TEPSIN: variants seen among roughly 807,000 people sequenced by gnomAD.
TEPSIN encodes TEPSIN adaptor related protein complex 4 accessory protein, also known as AP-4 complex accessory subunit tepsin.
In TEPSIN, 50 loss-of-function variants were observed where a neutral mutation model predicts 48.5. The ratio of observed to expected loss-of-function variants is 1.03; its 90% CI spans 0.82 to 1.31. The LOEUF is 1.31. TEPSIN is among the 50% of genes most tolerant of loss of function. The pLI, the probability that TEPSIN is intolerant of heterozygous loss-of-function variation, is 0.00. For missense variants in TEPSIN, 838 were observed against 815.9 expected, an observed-to-expected ratio of 1.03 and a Z score of -0.33; for synonymous variants, 392 against 358.8, an observed-to-expected ratio of 1.09 and a Z score of -1.05.
chr17:81,232,613 G>C (rs1021979708), intron 7 of TEPSIN, 95 bp from the exon 8 acceptor site: 2 of 1,195,710 alleles, frequency 1.7e-6, no homozygotes, highest in Admixed American at 2.5e-5. Context: ...CCCTGCTCAA[G>C]CTTGGAGAGG....
chr17:81,232,825 G>A (rs1055644650), intron 7 of TEPSIN: 1 of 376,688 alleles, frequency 2.7e-6, no homozygotes, highest in Non-Finnish European at 4.8e-6. Flanking sequence ...CAGGGAGGGT[G>A]TGTCCAGGGC....
rs369592054 is a variant in TEPSIN at position 81,228,888 on chromosome 17, C to G, written c.*40G>C. ...CTCAGGAAGCACAGACCGCCCCAGA[C>G]AGCAGCTGAAGCTGAAGACTCCAGG... On this transcript the variant is annotated 3_prime_UTR_variant, in exon 13 of 13. Transcript: ENST00000637944. 9 of 1,608,920 alleles carry G rather than the reference C, an allele frequency of 5.6e-6. No homozygotes were observed. Among genetic ancestry groups the G allele is most frequent in the African/African-American group, 4.0e-5 (3 of 74,942 alleles).
intron 12 of TEPSIN, chr17:81,229,875 G>A (rs2146821168): frequency 4.0e-6 from 1 of 249,002 alleles, no homozygotes; most frequent in East Asian, 1.3e-4. Context: ...CCCACTATGA[G>A]GTTCGCCTGC....
chr17:81,234,714 G>A lies in TEPSIN; in HGVS notation c.308-666C>T, dbSNP rs1422072052. The stretch of plus-strand genomic sequence containing the variant: ...TGATTCGGAGACGATGCTCCTGGCT[G>A]TCCCTGGGCCCAGGGCTGGCGGCCA... On this transcript the variant is annotated intron_variant, in intron 4 of 12. Transcript: ENST00000637944. The surrounding 1 kb of genome is among the most constrained non-coding windows in gnomAD (Gnocchi z 5.4). 6.6e-6 allele frequency among the ~76,000 whole-genome samples: 1 copy of A among 152,012 alleles called. No individual in the cohort carries two copies. The highest frequency in any genetic ancestry group is 6.6e-5 in the Admixed American group (1 of 15,266).
At position 81,232,433 on chromosome 17, in the gene TEPSIN, G is replaced by A. The variant is rs2062634964; in HGVS notation, c.612C>T (p.Pro204=). Residue 204 remains proline (P), a synonymous_variant, in exon 8 of 13, where the codon CCC becomes CCT. Transcript: ENST00000637944. ...CCCGCGGCAGGAGCCTCCGGGTACT[G>A]GGACTCTCGGGCCCGGGGCGCATGG... is the stretch of plus-strand genomic sequence containing the variant. ...ASAMRPGPES[P]STRRLLPRGD... is the part of the protein sequence containing the mutation. The A allele has an allele frequency of 6.5e-7, 1 of 1,535,746 alleles. No homozygotes were observed. The highest frequency in any genetic ancestry group is 8.7e-7 in the Non-Finnish European group (1 of 1,146,674).
chr17:81,232,240 C>A, intron 8 of TEPSIN, 75 bp downstream of exon 8: 1 of 1,431,104 alleles, frequency 7.0e-7, no homozygotes, highest in East Asian at 2.5e-5. Context: ...GGATTTGCCT[C>A]CGTGGCCGCA....
chr17:81,229,250 G>A lies in TEPSIN; in HGVS notation c.1460C>T (p.Pro487Leu). 2 of 1,579,686 alleles carry A rather than the reference G, an allele frequency of 1.3e-6. No homozygotes were observed. The highest frequency in any genetic ancestry group is 2.3e-5 in the East Asian group (1 of 43,576). Reference sequence around the variant, plus strand: ...GGCTGGAATGGGGGAGGCATCTGGGGGTGGGGTGGGCACAGGGCTGGACGG... The same window carrying A: ...GGCTGGAATGGGGGAGGCATCTGGGAGTGGGGTGGGCACAGGGCTGGACGG... ...GMPSSPVPTPPPDASPIPAPG... is the reference protein window; with the variant it reads ...GMPSSPVPTPLPDASPIPAPG... The change falls in exon 13 of 13, where the codon CCC becomes CTC. Residue 487 changes from proline to leucine, a missense_variant. Coordinates refer to ENST00000637944, the MANE Select transcript of TEPSIN (RefSeq NM_001363764.2).
Position 81,234,761 on chromosome 17 carries a change from T to G in TEPSIN, c.308-713A>C, listed in dbSNP as rs2062692065. Among the ~76,000 whole-genome samples the G allele has an allele frequency of 5.9e-5, 9 of 152,058 alleles. 1 individual carries two copies. Among genetic ancestry groups the G allele is most frequent in the Admixed American group, 5.9e-4 (9 of 15,280 alleles). ...GCCACAAGCTGAGTCAATGGCTGGA[T>G]GAACTGACACCCTGAGGCTGCCATC... On this transcript the variant is annotated intron_variant, in intron 4 of 12. Coordinates refer to ENST00000637944, the MANE Select transcript of TEPSIN (RefSeq NM_001363764.2). This position sits in a 1 kb window ranked among gnomAD's most constrained non-coding sequence, Gnocchi z 5.4.
intron 3 of TEPSIN, 38 bp downstream of exon 3, chr17:81,236,942 G>A (rs752600767): frequency 1.4e-5 from 22 of 1,543,262 alleles, no homozygotes; most frequent in Middle Eastern, 1.9e-4. Flanking sequence ...ACCGTGGGCC[G>A]GGCCTCAGGC....
intron 1 of TEPSIN, chr17:81,237,926 C>T: frequency 1.0e-6 from 1 of 984,268 alleles, no homozygotes; most frequent in South Asian, 4.1e-5. Flanking sequence ...CTCCATCGCT[C>T]CCCGAGAACC....
At chr17:81,237,561 T>C in intron 1 of TEPSIN, 102 bp from the exon 2 acceptor site, 1 of 1,222,530 alleles carries the variant, frequency 8.2e-7, no homozygotes, top group South Asian at 1.5e-5. Flanking sequence ...CTCTCACTGT[T>C]GACATGGCCG....
At chr17:81,238,037 T>C (rs758691953) in intron 1 of TEPSIN, 1 of 992,806 alleles carries the variant, frequency 1.0e-6, no homozygotes, top group African/African-American at 1.7e-5. Flanking sequence ...GGATGAAAAC[T>C]GGAACCACCC....
rs376024496 is a variant in TEPSIN, at chr17:81,233,973, G to A, written c.375+8C>T. The A allele has an allele frequency of 9.8e-5, 157 of 1,597,952 alleles. 1 individual carries two copies. The African/African-American group carries it at 1.9e-3, about 20-fold the overall frequency. On this transcript the variant is annotated splice_region_variant and intron_variant, in intron 5 of 12. Transcript: ENST00000637944. This position sits in a 1 kb window ranked among gnomAD's most constrained non-coding sequence, Gnocchi z 5.8. ...CACCCCGCAGAGCGACACTGCTCCTGGGCTCACCTGCGCGGCCGCGCGAAC... is the reference window on the plus strand; with the variant it reads ...CACCCCGCAGAGCGACACTGCTCCTAGGCTCACCTGCGCGGCCGCGCGAAC...
rs1200550439 is a variant in TEPSIN at position 81,234,649 on chromosome 17, C to G, written c.308-601G>C. 6.6e-6 allele frequency among the ~76,000 whole-genome samples: 1 copy of G among 152,102 alleles called. No homozygotes were observed. Among genetic ancestry groups the G allele is most frequent in the Admixed American group, 6.5e-5 (1 of 15,278 alleles). On this transcript the variant is annotated intron_variant, in intron 4 of 12. Coordinates refer to ENST00000637944, the MANE Select transcript of TEPSIN (RefSeq NM_001363764.2). This position sits in a 1 kb window ranked among gnomAD's most constrained non-coding sequence, Gnocchi z 5.4. Reference sequence around the variant, plus strand: ...TCTGTCACAGGCGAATCCACTCACGCCCCTCGGCCGTCTACCTCCACCCTG... The same window carrying G: ...TCTGTCACAGGCGAATCCACTCACGGCCCTCGGCCGTCTACCTCCACCCTG...
In TEPSIN at chr17:81,228,852, G is replaced by A. The variant is rs1788083694; in HGVS notation, c.*76C>T. 2.0e-5 allele frequency: 31 copies of A among 1,559,118 alleles called. No individual in the cohort carries two copies. The highest frequency in any genetic ancestry group is 1.6e-4 in the East Asian group (7 of 43,428). On this transcript the variant is annotated 3_prime_UTR_variant, in exon 13 of 13. Transcript: ENST00000637944. ...GCTGCCTGGAGACTGTAGCAGCTAC[G>A]GTTGAGGCTGCTCAGGAAGCACAGA... is the stretch of plus-strand genomic sequence containing the variant.
Position 81,232,333 on chromosome 17 carries a change from C to T in TEPSIN, c.712G>A (p.Ala238Thr), listed in dbSNP as rs548152680. The change falls in exon 8 of 13, where the codon GCC becomes ACC. Residue 238 changes from alanine to threonine, a missense_variant. Ala to Thr is a moderately conservative substitution (Grantham distance 58). Coordinates refer to ENST00000637944, the MANE Select transcript of TEPSIN (RefSeq NM_001363764.2). ...TCGATACCTCGGGGACCTGGAATGG[C>T]CCCGGGGAGTAGGTTCCCCAGGGTT... ...PPTLGNLLPG[A>T]IPGPRAVRHQ... 1.0e-3 allele frequency: 1,608 copies of T among 1,533,138 alleles called. No homozygotes were observed. The highest frequency in any genetic ancestry group is 1.2e-3 in the Non-Finnish European group (1,368 of 1,144,766). The allele number at this position is 1,533,138 out of a possible 1,614,324, so 95.0% of individuals were successfully genotyped here. A position where few individuals can be genotyped will look rare whatever the true frequency, so the allele number is the denominator to read the frequency against.
rs61746611 is a variant in TEPSIN, at chr17:81,230,163, C to T, written c.1233+381G>A. ...GATGAATGGAACCATTTCTGCCCTC[C>T]GGAGCTTGGGAGTTGAGCATGAGCT... On this transcript the variant is annotated intron_variant, in intron 12 of 12. Coordinates refer to ENST00000637944, the MANE Select transcript of TEPSIN (RefSeq NM_001363764.2). The surrounding 1 kb of genome is among the most constrained non-coding windows in gnomAD (Gnocchi z 4.2). 222 of 228,320 alleles carry T rather than the reference C, an allele frequency of 9.7e-4. 1 individual carries two copies. The highest frequency in any genetic ancestry group is 4.8e-3 in the African/African-American group (209 of 43,226). 14.1% of individuals were successfully genotyped at this position (228,320 alleles called of 1,614,324 possible). A position where few individuals can be genotyped will look rare whatever the true frequency, so the allele number is the denominator to read the frequency against.
At position 81,230,476 on chromosome 17, in the gene TEPSIN, T is replaced by C; in HGVS notation, c.1233+68A>G. 6.3e-7 allele frequency: 1 copy of C among 1,582,428 alleles called. No individual in the cohort carries two copies. ...GCGCCGGGCAGGGACGGGGTGGCCGTGGACTGCAGCGTATCTCCCACTGTA... is the reference window on the plus strand; with the variant it reads ...GCGCCGGGCAGGGACGGGGTGGCCGCGGACTGCAGCGTATCTCCCACTGTA... On this transcript the variant is annotated intron_variant, in intron 12 of 12. Transcript: ENST00000637944. The surrounding 1 kb of genome is among the most constrained non-coding windows in gnomAD (Gnocchi z 4.2).
intron 1 of TEPSIN, 168 bp downstream of exon 1, chr17:81,238,818 G>C (rs1171298384): frequency 1.5e-6 from 2 of 1,331,490 alleles, no homozygotes; most frequent in East Asian, 6.3e-5. Flanking sequence ...GCCCCGGGAC[G>C]GCGCGGCGGG....
Sources: gnomAD v4.1 joint callset for allele counts (sites outside exome capture counted in the v4.1 genomes callset) on GRCh38, gnomAD v4.1.1 for gene constraint, Gnocchi (gnomAD v3.1) non-coding constraint, MANE v1.5 for transcripts, NCBI Gene and HGNC (gene_info 2026-07-23, HGNC 2026-07-21) for gene names.